Variants in MAP4K5 observed in about 807,000 individuals in gnomAD.
The protein encoded by MAP4K5 is mitogen-activated protein kinase kinase kinase kinase 5, also known as MAPK/ERK kinase kinase kinase 5.
In MAP4K5, 82 loss-of-function variants were observed where a neutral mutation model predicts 135.6. That is an observed-to-expected ratio of 0.60 (90% CI 0.51 to 0.73). The LOEUF is 0.73. Ranked by LOEUF, MAP4K5 falls within the 30% of genes least tolerant of loss-of-function variation. The pLI is 0.00. For synonymous variants in MAP4K5, 347 were observed against 335.0 expected, an observed-to-expected ratio of 1.04 and a Z score of -0.39; for missense variants, 907 against 1,010.9, an observed-to-expected ratio of 0.90 and a Z score of 1.39.
intron 2 of MAP4K5, among the ~76,000 whole-genome samples, chr14:50,511,491 A>ATAC (rs2037928679): frequency 6.6e-6 from 1 of 152,316 alleles, no homozygotes; most frequent in East Asian, 1.9e-4. Context: ...TTAGTGTTCT[A>ATAC]TACTACTACT....
rs943876566 is a variant in MAP4K5, at chr14:50,505,211, A to T, written c.109-354T>A. 2.8e-5 allele frequency: 5 copies of T among 180,358 alleles called. No individual in the cohort carries two copies. The Admixed American group carries it at 3.1e-4, about 11-fold the overall frequency. 11.2% of individuals were successfully genotyped at this position (180,358 alleles called of 1,614,324 possible). A position where few individuals can be genotyped will look rare whatever the true frequency, so the allele number is the denominator to read the frequency against. On this transcript the variant is annotated intron_variant, in intron 2 of 32. Coordinates refer to ENST00000682126, the MANE Select transcript of MAP4K5 (RefSeq NM_006575.6). ...AAAACATAATCATAGGTCATTAAAA[A>T]TTTTCATCATCTGTATCTAACTACC...
chr14:50,502,191 T>C (rs2037720594), intron 3 of MAP4K5, among the ~76,000 whole-genome samples: 1 of 152,044 alleles, frequency 6.6e-6, no homozygotes, highest in Non-Finnish European at 1.5e-5. Flanking sequence ...CAAGGTCTGA[T>C]TTTTCACACG....
intron 5 of MAP4K5, among the ~76,000 whole-genome samples, chr14:50,484,122 C>T (rs2037313617): frequency 6.6e-6 from 1 of 151,916 alleles, no homozygotes; most frequent in Non-Finnish European, 1.5e-5. Flanking sequence ...GAATTACAGG[C>T]ATGAGAAGAT....
At chr14:50,476,863 G>A (rs1190919949) in intron 6 of MAP4K5, among the ~76,000 whole-genome samples, 1 of 152,142 alleles carries the variant, frequency 6.6e-6, no homozygotes, top group Non-Finnish European at 1.5e-5. Flanking sequence ...TCCTTATGTG[G>A]TGCTCCTTTA....
intron 3 of MAP4K5, among the ~76,000 whole-genome samples, chr14:50,491,408 T>C (rs928849995): frequency 4.0e-5 from 6 of 150,950 alleles, no homozygotes; most frequent in African/African-American, 1.2e-4. Flanking sequence ...CTGCAACCTC[T>C]ACCTCCTGGG....
chr14:50,556,172 A>G (rs960694700), intron 1 of MAP4K5, among the ~76,000 whole-genome samples: 9 of 152,228 alleles, frequency 5.9e-5, no homozygotes, highest in African/African-American at 1.7e-4. Flanking sequence ...TTTTAAAAAC[A>G]TAATTCACAT....
intron 1 of MAP4K5, among the ~76,000 whole-genome samples, chr14:50,555,480 C>G (rs1192089158): frequency 6.6e-6 from 1 of 152,138 alleles, no homozygotes; most frequent in Non-Finnish European, 1.5e-5. Flanking sequence ...GACGGGGTTT[C>G]ACCGTGTTGC....
intron 11 of MAP4K5, 129 bp from the exon 12 acceptor site, chr14:50,464,262 C>A (rs898730516): frequency 1.0e-5 from 6 of 581,374 alleles, no homozygotes; most frequent in Admixed American, 9.4e-5. Context: ...AGTTAAAGTA[C>A]AATATATTCC....
chr14:50,491,749 G>A (rs575084060), intron 3 of MAP4K5, among the ~76,000 whole-genome samples: 9 of 149,820 alleles, frequency 6.0e-5, no homozygotes, highest in South Asian at 2.1e-4. Context: ...ACAGTGGCAC[G>A]ATCTTGGCTC....
intron 2 of MAP4K5, among the ~76,000 whole-genome samples, chr14:50,524,455 A>G (rs1215520720): frequency 6.6e-6 from 1 of 152,228 alleles, no homozygotes; most frequent in Non-Finnish European, 1.5e-5. Context: ...TTTCAACAGT[A>G]AACATAAGAT....
At chr14:50,438,359 A>G (rs2036146976) in intron 23 of MAP4K5, 3 of 194,472 alleles carry the variant, frequency 1.5e-5, no homozygotes, top group Non-Finnish European at 2.1e-5. Context: ...TGATTATTTT[A>G]ATACAAGATG....
intron 2 of MAP4K5, 58 bp downstream of exon 2, chr14:50,531,884 G>C: frequency 8.5e-7 from 1 of 1,171,018 alleles, no homozygotes; most frequent in East Asian, 2.5e-5. Context: ...GCAGGAAAGT[G>C]GCCCCATTCC....
At chr14:50,515,365 C>T (rs1595536167) in intron 2 of MAP4K5, among the ~76,000 whole-genome samples, 2 of 152,290 alleles carry the variant, frequency 1.3e-5, no homozygotes, top group Admixed American at 1.3e-4. Context: ...TCACTATCTC[C>T]TATCCTTTCA....
intron 26 of MAP4K5, 39 bp downstream of exon 26, chr14:50,437,437 A>C (rs1293344600): frequency 6.9e-7 from 1 of 1,450,700 alleles, no homozygotes; most frequent in Admixed American, 2.0e-5. Context: ...AGATGTTAAA[A>C]GTTCTAACCA....
rs1595500568 is a variant in MAP4K5 at position 50,485,771 on chromosome 14, A to C, written c.258-129T>G. On this transcript the variant is annotated intron_variant, in intron 4 of 32. Transcript: ENST00000682126. ...GAAGTGCAACAGGAAACTGCTATGTAATCTTGCTACAATATACAGAAAAGC... is the reference window on the plus strand; with the variant it reads ...GAAGTGCAACAGGAAACTGCTATGTCATCTTGCTACAATATACAGAAAAGC... 8.2e-6 allele frequency: 5 copies of C among 612,364 alleles called. No homozygotes were observed. In the East Asian group the frequency reaches 1.4e-4, roughly 18 times the overall value. 37.9% of individuals were successfully genotyped at this position (612,364 alleles called of 1,614,324 possible).
At chr14:50,525,467 G>A (rs777879000) in intron 2 of MAP4K5, among the ~76,000 whole-genome samples, 50 of 151,916 alleles carry the variant, frequency 3.3e-4, no homozygotes, top group Non-Finnish European at 5.9e-4. Flanking sequence ...CGGATTATTC[G>A]GGAACTGGTC....
intron 1 of MAP4K5, among the ~76,000 whole-genome samples, chr14:50,557,940 A>G (rs1462553699): frequency 6.6e-6 from 1 of 152,234 alleles, no homozygotes; most frequent in African/African-American, 2.4e-5. Flanking sequence ...TCAAAGACAA[A>G]AAGGGACAAT....
intron 16 of MAP4K5, 122 bp downstream of exon 16, chr14:50,447,292 C>A (rs1476463715): frequency 5.0e-6 from 3 of 600,234 alleles, no homozygotes; most frequent in African/African-American, 3.9e-5. Flanking sequence ...AAAGCTTTAC[C>A]TTCATTAATG....
chr14:50,459,849 C>T (rs1357999744), intron 13 of MAP4K5, among the ~76,000 whole-genome samples: 2 of 152,042 alleles, frequency 1.3e-5, no homozygotes, highest in Non-Finnish European at 2.9e-5. Flanking sequence ...AGGCGTGTGC[C>T]ACCATGCCCA....
Sources: allele counts gnomAD v4.1 joint callset (sites outside exome capture counted in the v4.1 genomes callset), GRCh38; gene constraint gnomAD v4.1.1; transcripts MANE v1.5; gene names NCBI Gene and HGNC (gene_info 2026-07-23, HGNC 2026-07-21).